The following PCDHGC4 variants were observed in gnomAD, a reference collection of about 807,000 sequenced individuals.
The protein encoded by PCDHGC4 is protocadherin gamma-C4.
PCDHGC4 carries 15 observed loss-of-function variants against 59.7 expected under a neutral mutation model. That is an observed-to-expected ratio of 0.25 (90% confidence interval 0.17 to 0.39). The LOEUF (loss-of-function observed/expected upper bound fraction) is 0.39, where lower values mean the gene tolerates loss of function less well. Ranked by LOEUF, PCDHGC4 falls within the 10% of genes least tolerant of loss-of-function variation. The probability of loss-of-function intolerance (pLI) is 1.00; values close to 1 mark genes in which losing one functional copy is unlikely to be tolerated. For synonymous variants in PCDHGC4, 434 were observed against 481.4 expected, an observed-to-expected ratio of 0.90 and a Z score of 1.29; for missense variants, 1,016 against 1,189.5, an observed-to-expected ratio of 0.85 and a Z score of 2.15.
Position 141,485,757 on chromosome 5 carries a change from T to A in PCDHGC4, c.584T>A (p.Leu195His). The A allele has an allele frequency of 6.2e-7, 1 of 1,614,174 alleles. No homozygotes were observed. The highest frequency in any genetic ancestry group is 8.5e-7 in the Non-Finnish European group (1 of 1,180,028). ...RSDGSLVPEL[L>H]LEKPLDREKQ... The stretch of plus-strand genomic sequence containing the variant: ...GACGGCAGCCTGGTCCCAGAGCTGC[T>A]CCTGGAGAAGCCTTTGGATCGAGAG... Residue 195 changes from leucine to histidine, a missense_variant, in exon 1 of 4, where the codon CTC becomes CAC. Physicochemically the swap from Leu to His is moderately conservative, Grantham distance 99. Transcript: ENST00000306593. The surrounding 1 kb of genome is among the most constrained non-coding windows in gnomAD (Gnocchi z 5.7).
Position 141,485,063 on chromosome 5 carries a change from A to C in PCDHGC4, c.-111A>C. On this transcript the variant is annotated 5_prime_UTR_variant, in exon 1 of 4. Transcript: ENST00000306593. This position sits in a 1 kb window ranked among gnomAD's most constrained non-coding sequence, Gnocchi z 5.7. ...CTTGCGGCGCCGGCCGAACCGCGCC[A>C]GAGCTGGCGCGGGGAAAGGGAGATA... is the stretch of plus-strand genomic sequence containing the variant. 2 of 874,986 alleles carry C rather than the reference A, an allele frequency of 2.3e-6. No individual in the cohort carries two copies. Among genetic ancestry groups the C allele is most frequent in the Non-Finnish European group, 3.6e-6 (2 of 551,278 alleles). 54.2% of individuals were successfully genotyped at this position (874,986 alleles called of 1,614,324 possible).
Position 141,487,171 on chromosome 5 carries a change from G to C in PCDHGC4, c.1998G>C (p.Glu666Asp). ...CTGTTACTCTCTTAGTGTCCTTAGA[G>C]GAAGACACTCATCCAGTTGTCCCAG... ...STSVTLLVSLEEDTHPVVPDL... is the reference protein window; with the variant it reads ...STSVTLLVSLDEDTHPVVPDL... Residue 666 changes from glutamate to aspartate, a missense_variant, in exon 1 of 4, where the codon GAG becomes GAC. Transcript: ENST00000306593. The surrounding 1 kb of genome is among the most constrained non-coding windows in gnomAD (Gnocchi z 5.0). 1 of 1,612,938 alleles carries C rather than the reference G, an allele frequency of 6.2e-7. No individual in the cohort carries two copies. Among genetic ancestry groups the C allele is most frequent in the Non-Finnish European group, 8.5e-7 (1 of 1,178,910 alleles).
At chr5:141,505,559 G>A (rs1215110084) in intron 3 of PCDHGC4, 78 bp downstream of exon 3, 27 of 1,604,592 alleles carry the variant, frequency 1.7e-5, no homozygotes, top group Non-Finnish European at 2.0e-5. Flanking sequence ...CCATGCCCAC[G>A]GACTGGATGT....
intron 2 of PCDHGC4, among the ~76,000 whole-genome samples, chr5:141,501,333 A>ACACACC (rs1186649373): frequency 1.5e-4 from 21 of 140,134 alleles, no homozygotes; most frequent in African/African-American, 3.4e-4. Flanking sequence ...ACACACACAC[A>ACACACC]CCCCAAACTC....
chr5:141,502,661 T>G (rs1440361647), intron 2 of PCDHGC4, among the ~76,000 whole-genome samples: 1 of 152,240 alleles, frequency 6.6e-6, no homozygotes. Flanking sequence ...CAACCCTTCA[T>G]GCAATTTTAG....
Position 141,491,730 on chromosome 5 carries a change from C to A in PCDHGC4, c.2443-3077C>A, listed in dbSNP as rs1346666614. ...GGGGCTCGGCGCCGCCCCGGGCGAC[C>A]CCTGGGGGCGGCACTGGAGAAGCCG... On this transcript the variant is annotated intron_variant, in intron 1 of 3. Coordinates refer to ENST00000306593, the MANE Select transcript of PCDHGC4 (RefSeq NM_018928.3). This position sits in a 1 kb window ranked among gnomAD's most constrained non-coding sequence, Gnocchi z 6.9. 3.1e-6 allele frequency: 5 copies of A among 1,603,920 alleles called. No individual in the cohort carries two copies. The East Asian group carries it at 6.7e-5, about 22-fold the overall frequency.
At chr5:141,494,250 G>C (rs908660385) in intron 1 of PCDHGC4, among the ~76,000 whole-genome samples, 3 of 152,182 alleles carry the variant, frequency 2.0e-5, no homozygotes, top group African/African-American at 7.2e-5. Flanking sequence ...TTTAGCTGTG[G>C]GAAGAGATTC....
chr5:141,498,865 G>A (rs2099786522), intron 2 of PCDHGC4, among the ~76,000 whole-genome samples: 1 of 151,116 alleles, frequency 6.6e-6, no homozygotes, highest in Non-Finnish European at 1.5e-5. Flanking sequence ...CCCAGGAGGC[G>A]GAGGTTGCAG....
rs768812729 is a variant in PCDHGC4, at chr5:141,491,543, A to T, written c.2443-3264A>T. 2.5e-6 allele frequency: 4 copies of T among 1,613,842 alleles called. No individual in the cohort carries two copies. The highest frequency in any genetic ancestry group is 3.4e-6 in the Non-Finnish European group (4 of 1,179,982). The stretch of plus-strand genomic sequence containing the variant: ...ATGGAGGTGACGCTGCGGCCCACAG[A>T]CTCGCAGAGCCACTGCTACAGGACG... On this transcript the variant is annotated intron_variant, in intron 1 of 3. Transcript: ENST00000306593. This position sits in a 1 kb window ranked among gnomAD's most constrained non-coding sequence, Gnocchi z 6.9.
At chr5:141,496,146 G>A (rs749790409) in intron 2 of PCDHGC4, among the ~76,000 whole-genome samples, 1 of 151,170 alleles carries the variant, frequency 6.6e-6, no homozygotes, top group Non-Finnish European at 1.5e-5. Flanking sequence ...GCCTTTGATC[G>A]CAGCTCTCCA....
intron 3 of PCDHGC4, among the ~76,000 whole-genome samples, chr5:141,509,338 C>T (rs2099876319): frequency 6.6e-6 from 1 of 152,188 alleles, no homozygotes; most frequent in Admixed American, 6.5e-5. Flanking sequence ...CCAGCTGGGC[C>T]TGGGCTGGCC....
In PCDHGC4 at chr5:141,491,848, C is replaced by A; in HGVS notation, c.2443-2959C>A. 1 of 1,461,478 alleles carries A rather than the reference C, an allele frequency of 6.8e-7. No homozygotes were observed. Among genetic ancestry groups the A allele is most frequent in the Non-Finnish European group, 9.1e-7 (1 of 1,104,578 alleles). The allele number at this position is 1,461,478 out of a possible 1,614,324, so 90.5% of individuals were successfully genotyped here. A position where few individuals can be genotyped will look rare whatever the true frequency, so the allele number is the denominator to read the frequency against. On this transcript the variant is annotated intron_variant, in intron 1 of 3. Transcript: ENST00000306593. This position sits in a 1 kb window ranked among gnomAD's most constrained non-coding sequence, Gnocchi z 6.9. ...CACCCGATTCTCGGGATCATTGGAC[C>A]GTTTGCGCGAAACCAGAGTGGCCGA...
At chr5:141,505,323 G>C in intron 2 of PCDHGC4, 70 bp from the exon 3 acceptor site, 1 of 1,606,758 alleles carries the variant, frequency 6.2e-7, no homozygotes, top group South Asian at 1.1e-5. Flanking sequence ...GGGAGCCCTG[G>C]GAGAGGACAG....
In PCDHGC4 at chr5:141,493,668, GC is replaced by G. The variant is rs1178535601; in HGVS notation, c.2443-1135del. On this transcript the variant is annotated intron_variant, in intron 1 of 3. Coordinates refer to ENST00000306593, the MANE Select transcript of PCDHGC4 (RefSeq NM_018928.3). This position sits in a 1 kb window ranked among gnomAD's most constrained non-coding sequence, Gnocchi z 4.3. ...CATCCCTGTGCCCTTCTCCATGGCAGCCCCAGAATGGTGCTGGTGACTCCCG... is the reference window on the plus strand; with the variant it reads ...CATCCCTGTGCCCTTCTCCATGGCAGCCCAGAATGGTGCTGGTGACTCCCG... Among the ~76,000 whole-genome samples the G allele has an allele frequency of 6.6e-6, 1 of 152,140 alleles. No individual in the cohort carries two copies. The highest frequency in any genetic ancestry group is 2.4e-5 in the African/African-American group (1 of 41,422).
In PCDHGC4 at chr5:141,490,679, A is replaced by C; in HGVS notation, c.2442+3064A>C. On this transcript the variant is annotated intron_variant, in intron 1 of 3. Coordinates refer to ENST00000306593, the MANE Select transcript of PCDHGC4 (RefSeq NM_018928.3). The surrounding 1 kb of genome is among the most constrained non-coding windows in gnomAD (Gnocchi z 5.4). ...CTTCTTTGCACTGTGGCTGCCTCAG[A>C]TCCAGACACTGGGGATAATGCCCGC... 6.2e-7 allele frequency: 1 copy of C among 1,614,164 alleles called. No individual in the cohort carries two copies. The highest frequency in any genetic ancestry group is 8.5e-7 in the Non-Finnish European group (1 of 1,180,034).
At position 141,487,611 on chromosome 5, in the gene PCDHGC4, T is replaced by C. The variant is rs1215704705; in HGVS notation, c.2438T>C (p.Leu813Pro). ...SCPPSDLLYGLEQAPPNTDWR... is the reference protein window; with the variant it reads ...SCPPSDLLYGPEQAPPNTDWR... ...CCACCCTCTGATCTTCTCTATGGGCTAGAGGTGAGACCTTTGCAGGCTCAA... is the reference window on the plus strand; with the variant it reads ...CCACCCTCTGATCTTCTCTATGGGCCAGAGGTGAGACCTTTGCAGGCTCAA... Residue 813 changes from leucine to proline, a missense_variant, in exon 1 of 4, where the codon CTA (leucine) becomes CCA (proline). Transcript: ENST00000306593. This position sits in a 1 kb window ranked among gnomAD's most constrained non-coding sequence, Gnocchi z 5.0. The C allele has an allele frequency of 1.2e-6, 2 of 1,614,206 alleles. No homozygotes were observed. The highest frequency in any genetic ancestry group is 1.7e-6 in the Non-Finnish European group (2 of 1,180,036).
At position 141,489,985 on chromosome 5, in the gene PCDHGC4, G is replaced by A. The variant is rs761481986; in HGVS notation, c.2442+2370G>A. ...AACCTTCCAATCCTCAGTTCTACGT[G>A]TGGGAATCCCAGAGAATGCACCCAT... On this transcript the variant is annotated intron_variant, in intron 1 of 3. Transcript: ENST00000306593. The surrounding 1 kb of genome is among the most constrained non-coding windows in gnomAD (Gnocchi z 4.5). The A allele has an allele frequency of 1.2e-6, 2 of 1,614,094 alleles. No homozygotes were observed. Among genetic ancestry groups the A allele is most frequent in the African/African-American group, 2.7e-5 (2 of 74,946 alleles).
chr5:141,485,177 C>T lies in PCDHGC4; in HGVS notation c.4C>T (p.Leu2Phe). ...AGAGAATTAGCGGGCGGCAGCAATG[C>T]TCCGCAAGGTGAGAAGCTGGACAGA... M[L>F]RKVRSWTEIW... The change falls in exon 1 of 4, where the codon CTC becomes TTC. Residue 2 changes from leucine (L) to phenylalanine (F), a missense_variant. Leu to Phe is a conservative substitution (Grantham distance 22). Coordinates refer to ENST00000306593, the MANE Select transcript of PCDHGC4 (RefSeq NM_018928.3). This position sits in a 1 kb window ranked among gnomAD's most constrained non-coding sequence, Gnocchi z 5.7. 1 of 1,612,024 alleles carries T rather than the reference C, an allele frequency of 6.2e-7. No homozygotes were observed. Among genetic ancestry groups the T allele is most frequent in the South Asian group, 1.1e-5 (1 of 90,956 alleles).
intron 3 of PCDHGC4, among the ~76,000 whole-genome samples, chr5:141,509,277 T>TC (rs566266970): frequency 0.011 from 1,653 of 152,240 alleles, 22 homozygotes; most frequent in Non-Finnish European, 0.018. Context: ...CGCTACCCGC[T>TC]CCCAGGGTCC....
Sources: gnomAD v4.1 joint callset for allele counts (sites outside exome capture counted in the v4.1 genomes callset) on GRCh38, gnomAD v4.1.1 for gene constraint, Gnocchi (gnomAD v3.1) non-coding constraint, MANE v1.5 for transcripts, NCBI Gene and HGNC (gene_info 2026-07-23, HGNC 2026-07-21) for gene names.